Variants in TOP6BL observed in about 807,000 individuals in gnomAD.
TOP6BL encodes the protein type 2 DNA topoisomerase 6 subunit B-like.
chr11:66,825,482 ACT>A, the TOP6BL span, among the ~76,000 whole-genome samples: 1 of 145,562 alleles, frequency 6.9e-6, no homozygotes, highest in South Asian at 2.1e-4. Flanking sequence ...CAAGTGCGAA[ACT>A]CTGTCCCAAC....
the TOP6BL span, among the ~76,000 whole-genome samples, chr11:66,746,781 TG>T: frequency 6.6e-6 from 1 of 150,956 alleles, no homozygotes; most frequent in Non-Finnish European, 1.5e-5. Flanking sequence ...GAGGCTGAGG[TG>T]GGAGGATCAC....
At chr11:66,777,719 G>T in the TOP6BL span, among the ~76,000 whole-genome samples, 1 of 151,832 alleles carries the variant, frequency 6.6e-6, no homozygotes, top group Non-Finnish European at 1.5e-5. Context: ...GTGAAACCCC[G>T]TCTCTACTAA....
the TOP6BL span, among the ~76,000 whole-genome samples, chr11:66,768,387 C>T: frequency 8.6e-5 from 13 of 152,030 alleles, no homozygotes; most frequent in African/African-American, 2.9e-4. Context: ...ATTTTGTAGA[C>T]ATGATCTCAT....
chr11:66,817,100 C>T, the TOP6BL span, among the ~76,000 whole-genome samples: 3 of 152,018 alleles, frequency 2.0e-5, no homozygotes, highest in East Asian at 1.9e-4. Flanking sequence ...TTGCAGTGAG[C>T]CAAGATTGTA....
the TOP6BL span, chr11:66,762,191 G>A: frequency 7.1e-6 from 5 of 708,834 alleles, no homozygotes; most frequent in African/African-American, 1.7e-5. Context: ...TCCTTCGCAC[G>A]CCACACCCAC....
the TOP6BL span, among the ~76,000 whole-genome samples, chr11:66,842,026 CCT>C: frequency 3.9e-5 from 6 of 152,028 alleles, no homozygotes; most frequent in South Asian, 1.0e-3. Flanking sequence ...CGGTGAGACC[CCT>C]GTCTCTACAA....
the TOP6BL span, among the ~76,000 whole-genome samples, chr11:66,755,476 G>C: frequency 1.3e-5 from 2 of 151,986 alleles, 1 homozygote; most frequent in South Asian, 4.1e-4. Flanking sequence ...CCATCCTTGT[G>C]GGTTTGTGCC....
At chr11:66,779,778 A>G in the TOP6BL span, among the ~76,000 whole-genome samples, 3 of 152,152 alleles carry the variant, frequency 2.0e-5, no homozygotes, top group Admixed American at 1.3e-4. Flanking sequence ...TCCAACAATG[A>G]TAGACTGGAT....
chr11:66,790,566 A>G, the TOP6BL span, among the ~76,000 whole-genome samples: 2 of 152,252 alleles, frequency 1.3e-5, no homozygotes, highest in East Asian at 3.8e-4. Flanking sequence ...TTGCAAAAGT[A>G]GTGTTTCCCT....
the TOP6BL span, among the ~76,000 whole-genome samples, chr11:66,779,237 T>G: frequency 6.6e-6 from 1 of 151,950 alleles, no homozygotes; most frequent in South Asian, 2.1e-4. Flanking sequence ...ACCTACAGAA[T>G]GGGAGAAAAT....
At chr11:66,807,681 C>G in the TOP6BL span, among the ~76,000 whole-genome samples, 1 of 152,136 alleles carries the variant, frequency 6.6e-6, no homozygotes, top group Non-Finnish European at 1.5e-5. Flanking sequence ...AGAGCTGAGC[C>G]TAGCATTGGG....
the TOP6BL span, chr11:66,843,312 G>A: frequency 4.5e-6 from 7 of 1,547,196 alleles, no homozygotes; most frequent in East Asian, 9.6e-5. Flanking sequence ...TAAAGCTGCC[G>A]CGCGCTCACC....
At chr11:66,791,220 C>G in the TOP6BL span, among the ~76,000 whole-genome samples, 2 of 152,124 alleles carry the variant, frequency 1.3e-5, no homozygotes, top group African/African-American at 4.8e-5. Context: ...AAGTCAATTG[C>G]AAGGAAGACT....
the TOP6BL span, among the ~76,000 whole-genome samples, chr11:66,781,954 G>A: frequency 6.6e-6 from 1 of 152,044 alleles, no homozygotes; most frequent in Non-Finnish European, 1.5e-5. Flanking sequence ...TCTATATTGT[G>A]TTATCTATCT....
chr11:66,759,606 C>T, the TOP6BL span, among the ~76,000 whole-genome samples: 18 of 152,196 alleles, frequency 1.2e-4, no homozygotes, highest in Non-Finnish European at 2.4e-4. Flanking sequence ...TTTATTGAGA[C>T]GGAGTCTCAC....
chr11:66,785,256 G>A, the TOP6BL span, among the ~76,000 whole-genome samples: 2 of 152,066 alleles, frequency 1.3e-5, no homozygotes, highest in South Asian at 4.1e-4. Context: ...ACCGTGCCGA[G>A]CCAGTTTCCA....
At chr11:66,808,680 G>A in the TOP6BL span, among the ~76,000 whole-genome samples, 1 of 152,126 alleles carries the variant, frequency 6.6e-6, no homozygotes, top group African/African-American at 2.4e-5. Flanking sequence ...AACCAATGTT[G>A]AATAAAATTC....
At chr11:66,804,128 G>A in the TOP6BL span, 1 of 1,613,960 alleles carries the variant, frequency 6.2e-7, no homozygotes. Flanking sequence ...GACTCCAGCA[G>A]CTGCACTGTG....
chr11:66,780,198 G>A, the TOP6BL span, among the ~76,000 whole-genome samples: 3 of 151,850 alleles, frequency 2.0e-5, no homozygotes, highest in Non-Finnish European at 2.9e-5. Context: ...TAGGTAAATA[G>A]TGTTTTTTTG....
Sources: allele counts gnomAD v4.1 joint callset (sites outside exome capture counted in the v4.1 genomes callset), GRCh38; gene constraint gnomAD v4.1.1; transcripts MANE v1.5; gene names NCBI Gene and HGNC (gene_info 2026-07-23, HGNC 2026-07-21).